Variants in NCEH1 observed in about 807,000 individuals in gnomAD.
The protein encoded by NCEH1 is neutral cholesterol ester hydrolase 1, also known as 2-acetyl MAGE hydrolase.
A neutral mutation model predicts 25.4 loss-of-function variants in NCEH1; 9 were observed. That is an observed-to-expected ratio of 0.35 (90% confidence interval 0.21 to 0.62). NCEH1 has a LOEUF of 0.62. Among genes scored for constraint, NCEH1 ranks in the 20% least tolerant of loss-of-function variants. NCEH1 has a pLI of 0.72. For missense variants in NCEH1, 412 were observed against 501.1 expected (o/e 0.82, Z 1.70); for synonymous variants, 200 against 199.8 (o/e 1.00, Z -0.01).
chr3:172,689,728 TA>T (rs1260577374), intron 1 of NCEH1, among the ~76,000 whole-genome samples: 34 of 138,202 alleles, frequency 2.5e-4, no homozygotes, highest in Admixed American at 3.6e-4. Flanking sequence ...CATCTCAAAA[TA>T]AAAAAAAAAG....
intron 1 of NCEH1, among the ~76,000 whole-genome samples, chr3:172,686,370 C>A (rs1712693748): frequency 6.6e-6 from 1 of 152,216 alleles, no homozygotes; most frequent in South Asian, 2.1e-4. Context: ...CAACACTTCA[C>A]CTGGTACTAC....
At chr3:172,705,411 C>T (rs1304129637) in intron 1 of NCEH1, among the ~76,000 whole-genome samples, 1 of 152,194 alleles carries the variant, frequency 6.6e-6, no homozygotes, top group Admixed American at 6.5e-5. Context: ...AACATGTGAG[C>T]ACCGCCCATC....
chr3:172,643,615 T>G (rs1716969392), intron 3 of NCEH1, among the ~76,000 whole-genome samples: 2 of 152,364 alleles, frequency 1.3e-5, no homozygotes, highest in East Asian at 3.9e-4. Flanking sequence ...CTGTGTCTTA[T>G]GATAAGCCTT....
chr3:172,676,588 G>A lies in NCEH1; in HGVS notation c.139-28474C>T, dbSNP rs535033854. Among the ~76,000 whole-genome samples, 102 of 152,154 alleles carry A rather than the reference G, an allele frequency of 6.7e-4. No individual in the cohort carries two copies. In the Middle Eastern group the frequency reaches 0.01, roughly 15 times the overall value. Reference sequence around the variant, plus strand: ...AGCAACCACTTTTCCTGCCACACACGGGGTTTCTCGTCGTTCGAATCCCCC... The same window carrying A: ...AGCAACCACTTTTCCTGCCACACACAGGGTTTCTCGTCGTTCGAATCCCCC... On this transcript the variant is annotated intron_variant, in intron 1 of 4. Transcript: ENST00000475381.
Position 172,633,451 on chromosome 3 carries a change from G to C in NCEH1, c.*24C>G. 2 of 1,598,200 alleles carry C rather than the reference G, an allele frequency of 1.3e-6. No homozygotes were observed. The highest frequency in any genetic ancestry group is 1.7e-6 in the Non-Finnish European group (2 of 1,171,068). On this transcript the variant is annotated 3_prime_UTR_variant, in exon 5 of 5. Coordinates refer to ENST00000475381, the MANE Select transcript of NCEH1 (RefSeq NM_020792.6). ...AGGTGTAGGAGGTCAAGAGGGGCTC[G>C]AGGCTTCTGGAAGTTTTGCTCCTTT... is the stretch of plus-strand genomic sequence containing the variant.
chr3:172,697,970 ATTTTT>A (rs386398562), intron 1 of NCEH1, among the ~76,000 whole-genome samples: 14 of 101,082 alleles, frequency 1.4e-4, no homozygotes, highest in Admixed American at 2.3e-4. Context: ...TAAAAGCAGA[ATTTTT>A]TTTTTTTTTT....
chr3:172,642,568 G>C (rs1001351632), intron 3 of NCEH1, among the ~76,000 whole-genome samples: 1 of 109,046 alleles, frequency 9.2e-6, no homozygotes, highest in Non-Finnish European at 1.7e-5. Flanking sequence ...GGGTTAGCCT[G>C]AATCTTAACA....
chr3:172,652,696 A>G (rs996320540), intron 1 of NCEH1, among the ~76,000 whole-genome samples: 1 of 151,910 alleles, frequency 6.6e-6, no homozygotes, highest in African/African-American at 2.4e-5. Flanking sequence ...GTTTCCTGAA[A>G]CCTCTATTTC....
intron 1 of NCEH1, among the ~76,000 whole-genome samples, chr3:172,653,882 G>A (rs1340021075): frequency 6.6e-6 from 1 of 151,460 alleles, no homozygotes; most frequent in Non-Finnish European, 1.5e-5. Flanking sequence ...TCAGTCTCCT[G>A]AGTAGCTGGG....
intron 4 of NCEH1, 124 bp downstream of exon 4, chr3:172,635,792 T>C (rs1716572464): frequency 1.3e-6 from 1 of 760,482 alleles, no homozygotes; most frequent in Non-Finnish European, 2.2e-6. Context: ...ACATGAACAA[T>C]TTGGCCATCT....
At chr3:172,658,839 ACT>A (rs1491383452) in intron 1 of NCEH1, among the ~76,000 whole-genome samples, 80 of 127,046 alleles carry the variant, frequency 6.3e-4, no homozygotes, top group African/African-American at 2.2e-3. Flanking sequence ...CAATTCCAAA[ACT>A]TTTTTTTTTT....
At chr3:172,671,958 G>C (rs916250010) in intron 1 of NCEH1, among the ~76,000 whole-genome samples, 1 of 152,166 alleles carries the variant, frequency 6.6e-6, no homozygotes, top group Non-Finnish European at 1.5e-5. Flanking sequence ...TAAGTGTACA[G>C]TATTTATAAG....
chr3:172,666,478 T>TC (rs1470513272), intron 1 of NCEH1, among the ~76,000 whole-genome samples: 2 of 152,260 alleles, frequency 1.3e-5, no homozygotes, highest in East Asian at 3.9e-4. Context: ...TTTGTTCTAA[T>TC]CCCCCCTCCC....
At chr3:172,689,251 CTT>C (rs34888694) in intron 1 of NCEH1, among the ~76,000 whole-genome samples, 145 of 80,930 alleles carry the variant, frequency 1.8e-3, no homozygotes, top group African/African-American at 7.2e-3. Context: ...CTTGGAGTAA[CTT>C]TTTTTTTTTT....
At chr3:172,648,138 A>G in intron 1 of NCEH1, 24 bp from the exon 2 acceptor site, 1 of 1,613,330 alleles carries the variant, frequency 6.2e-7, no homozygotes, top group Non-Finnish European at 8.5e-7. Context: ...GAGGAAATAA[A>G]GAGGGAGGGC....
At chr3:172,702,279 C>T (rs923394639) in intron 1 of NCEH1, among the ~76,000 whole-genome samples, 4 of 152,234 alleles carry the variant, frequency 2.6e-5, no homozygotes, top group Non-Finnish European at 5.9e-5. Context: ...AGCACAGTAT[C>T]TGCCACAGAG....
rs1553835594 is a variant in NCEH1 at position 172,675,323 on chromosome 3, A to AATTAATT, written c.139-27210_139-27209insAATTAAT. 1.0e-3 allele frequency among the ~76,000 whole-genome samples: 145 copies of AATTAATT among 144,774 alleles called. 2 individuals carry two copies. In the East Asian group the frequency reaches 0.012, roughly 12 times the overall value. 95.0% of individuals were successfully genotyped at this position (144,774 alleles called of 152,430 possible). ...GTCTCAAATAAATAAATAAATAAAT[A>AATTAATT]AATAAATAAATAAATAAATGATTTT... On this transcript the variant is annotated intron_variant, in intron 1 of 4. Coordinates refer to ENST00000475381, the MANE Select transcript of NCEH1 (RefSeq NM_020792.6).
intron 1 of NCEH1, among the ~76,000 whole-genome samples, chr3:172,689,430 A>G (rs942284157): frequency 6.6e-6 from 1 of 151,430 alleles, no homozygotes; most frequent in Non-Finnish European, 1.5e-5. Context: ...TAGTTTTAGT[A>G]GAGACAGGGT....
chr3:172,640,504 A>T (rs630736), intron 3 of NCEH1, among the ~76,000 whole-genome samples: 24,929 of 150,784 alleles, frequency 0.17, 2,485 homozygotes, highest in Non-Finnish European at 0.22. Context: ...TTATTTATTT[A>T]TTTTATTTAT....
Sources: gnomAD v4.1 joint callset for allele counts (sites outside exome capture counted in the v4.1 genomes callset) on GRCh38, gnomAD v4.1.1 for gene constraint, MANE v1.5 for transcripts, NCBI Gene and HGNC (gene_info 2026-07-23, HGNC 2026-07-21) for gene names.